JPH3: variants seen among roughly 807,000 people sequenced by gnomAD.
The protein encoded by JPH3 is junctophilin 3.
JPH3 carries 11 observed loss-of-function variants against 59.6 expected under a neutral mutation model. The observed-to-expected ratio is 0.18, with a 90% CI of 0.12 to 0.31. JPH3 has a LOEUF of 0.31. Ranked by LOEUF, JPH3 falls within the 10% of genes least tolerant of loss-of-function variation. The pLI is 1.00. For synonymous variants in JPH3, 673 were observed against 483.6 expected (o/e 1.39, Z -5.14); for missense variants, 1,202 against 1,105.7 (o/e 1.09, Z -1.24).
intron 2 of JPH3, among the ~76,000 whole-genome samples, chr16:87,662,897 G>T (rs994427088): frequency 6.6e-6 from 1 of 152,214 alleles, no homozygotes; most frequent in African/African-American, 2.4e-5. Context: ...GCAGGGAAAA[G>T]CACCGGCTCC....
chr16:87,652,997 G>T (rs1433667992), intron 2 of JPH3, among the ~76,000 whole-genome samples: 1 of 152,196 alleles, frequency 6.6e-6, no homozygotes, highest in African/African-American at 2.4e-5. Flanking sequence ...AGCAGGAAGT[G>T]AACTGCAGGG....
At chr16:87,622,581 C>T (rs934581) in intron 1 of JPH3, among the ~76,000 whole-genome samples, 34,941 of 152,062 alleles carry the variant, frequency 0.23, 4,278 homozygotes, top group African/African-American at 0.29. Context: ...GAGAGCTCTC[C>T]CTTCTGCGAG....
chr16:87,651,773 G>A (rs564931320), intron 2 of JPH3, among the ~76,000 whole-genome samples: 3 of 152,366 alleles, frequency 2.0e-5, no homozygotes, highest in African/African-American at 4.8e-5. Flanking sequence ...CGAAGATGCT[G>A]CAGACATTGT....
chr16:87,639,713 G>A (rs2031880665), intron 1 of JPH3, among the ~76,000 whole-genome samples: 1 of 151,870 alleles, frequency 6.6e-6, no homozygotes, highest in South Asian at 2.1e-4. Flanking sequence ...TACTTTCTGT[G>A]TCTATGAGTC....
At chr16:87,627,431 A>T (rs971563528) in intron 1 of JPH3, among the ~76,000 whole-genome samples, 6 of 152,172 alleles carry the variant, frequency 3.9e-5, no homozygotes, top group African/African-American at 1.4e-4. Context: ...GAGACCACCC[A>T]TGGATTTTAT....
At chr16:87,637,840 G>T (rs1042337922) in intron 1 of JPH3, among the ~76,000 whole-genome samples, 2 of 152,116 alleles carry the variant, frequency 1.3e-5, no homozygotes, top group African/African-American at 4.8e-5. Flanking sequence ...TCCAGTTGGG[G>T]GTGTGACCAG....
At chr16:87,648,202 G>A (rs1226799617) in intron 2 of JPH3, among the ~76,000 whole-genome samples, 1 of 152,174 alleles carries the variant, frequency 6.6e-6, no homozygotes, top group Non-Finnish European at 1.5e-5. Context: ...GGGCTGCAGG[G>A]CCTGGAGCTG....
At chr16:87,647,344 G>T (rs537004570) in intron 2 of JPH3, among the ~76,000 whole-genome samples, 1 of 152,044 alleles carries the variant, frequency 6.6e-6, no homozygotes, top group African/African-American at 2.4e-5. Flanking sequence ...CAGCATCCCT[G>T]TGTCTCCTGG....
chr16:87,665,126 C>G (rs8049028), intron 2 of JPH3, among the ~76,000 whole-genome samples: 1 of 152,112 alleles, frequency 6.6e-6, no homozygotes, highest in Non-Finnish European at 1.5e-5. Context: ...GTCATGAGCA[C>G]CACAGTCTTT....
intron 2 of JPH3, among the ~76,000 whole-genome samples, chr16:87,659,415 T>C (rs28452403): frequency 8.6e-6 from 1 of 116,114 alleles, no homozygotes; most frequent in Non-Finnish European, 1.8e-5. Flanking sequence ...TACACACACA[T>C]ACACACAACA....
At chr16:87,692,495 C>T (rs2033620449) in intron 4 of JPH3, among the ~76,000 whole-genome samples, 1 of 152,226 alleles carries the variant, frequency 6.6e-6, no homozygotes, top group Non-Finnish European at 1.5e-5. Context: ...TGTCTTCTGG[C>T]CATCCCCCTC....
At chr16:87,617,780 G>C (rs570631821) in intron 1 of JPH3, among the ~76,000 whole-genome samples, 1 of 152,118 alleles carries the variant, frequency 6.6e-6, no homozygotes, top group African/African-American at 2.4e-5. Context: ...GAAGCTGTGC[G>C]CAGCCGGGGC....
At chr16:87,691,576 G>A (rs2033576427) in intron 4 of JPH3, among the ~76,000 whole-genome samples, 1 of 152,096 alleles carries the variant, frequency 6.6e-6, no homozygotes, top group African/African-American at 2.4e-5. Flanking sequence ...CCTGACCTAG[G>A]GGAGCTGTGG....
chr16:87,658,068 C>G (rs2032566788), intron 2 of JPH3, among the ~76,000 whole-genome samples: 1 of 152,196 alleles, frequency 6.6e-6, no homozygotes, highest in South Asian at 2.1e-4. Context: ...AAGATGGTCT[C>G]CTACCCCGGA....
At chr16:87,682,349 TG>T (rs754157308) in intron 2 of JPH3, among the ~76,000 whole-genome samples, 7 of 152,152 alleles carry the variant, frequency 4.6e-5, no homozygotes, top group African/African-American at 1.2e-4. Context: ...ATGGCAGAGA[TG>T]GGGGGTCAGG....
At position 87,696,642 on chromosome 16, in the gene JPH3, T is replaced by A. The variant is rs749413500; in HGVS notation, c.2229T>A (p.Phe743Leu). The change falls in exon 5 of 5, where the codon TTT becomes TTA. Residue 743 changes from phenylalanine to leucine, a missense_variant. Transcript: ENST00000284262. ...ILLNIGVAIL[F>L]INFFI The stretch of plus-strand genomic sequence containing the variant: ...TCAACATCGGAGTCGCCATTCTGTT[T>A]ATTAACTTTTTCATCTGATGAGATG... The A allele has an allele frequency of 6.2e-7, 1 of 1,613,370 alleles. No homozygotes were observed. Among genetic ancestry groups the A allele is most frequent in the Non-Finnish European group, 8.5e-7 (1 of 1,179,692 alleles).
chr16:87,664,043 T>C (rs1343715258), intron 2 of JPH3, among the ~76,000 whole-genome samples: 1 of 152,122 alleles, frequency 6.6e-6, no homozygotes, highest in East Asian at 1.9e-4. Context: ...TTAAAAATCA[T>C]ATGGCCAGCT....
intron 2 of JPH3, among the ~76,000 whole-genome samples, chr16:87,674,482 C>T (rs562646697): frequency 1.3e-5 from 2 of 152,328 alleles, no homozygotes; most frequent in East Asian, 3.9e-4. Context: ...AAGAGATATC[C>T]TAGTGAGCTC....
At chr16:87,672,144 A>G (rs1465669298) in intron 2 of JPH3, among the ~76,000 whole-genome samples, 1 of 152,022 alleles carries the variant, frequency 6.6e-6, no homozygotes, top group Non-Finnish European at 1.5e-5. Context: ...GTGAGGGAGA[A>G]GAGTGGGGCA....
Sources: allele counts gnomAD v4.1 joint callset (sites outside exome capture counted in the v4.1 genomes callset), GRCh38; gene constraint gnomAD v4.1.1; transcripts MANE v1.5; gene names NCBI Gene and HGNC (gene_info 2026-07-23, HGNC 2026-07-21).